PPP2R2B: variants seen among roughly 807,000 people sequenced by gnomAD.
The protein encoded by PPP2R2B is serine/threonine-protein phosphatase 2A 55 kDa regulatory subunit B beta isoform.
PPP2R2B carries 5 observed loss-of-function variants against 46.0 expected under a neutral mutation model. The ratio of observed to expected loss-of-function variants is 0.11; its 90% CI spans 0.06 to 0.23. The LOEUF (loss-of-function observed/expected upper bound fraction) is 0.23, where lower values mean the gene tolerates loss of function less well. PPP2R2B is among the 10% of genes least tolerant of loss of function. PPP2R2B has a pLI of 1.00. For synonymous variants in PPP2R2B, 215 were observed against 206.7 expected, an observed-to-expected ratio of 1.04 and a Z score of -0.34; for missense variants, 367 against 575.0, an observed-to-expected ratio of 0.64 and a Z score of 3.70.
At chr5:146,645,335 T>A (rs148258231) in intron 6 of PPP2R2B, among the ~76,000 whole-genome samples, 79 of 152,336 alleles carry the variant, frequency 5.2e-4, no homozygotes, top group African/African-American at 1.9e-3. Context: ...CAAAGAGGAC[T>A]CCAAGGGATA....
chr5:146,820,498 A>G lies in PPP2R2B; in HGVS notation c.70+57504T>C, dbSNP rs76284508. Among the ~76,000 whole-genome samples the G allele has an allele frequency of 7.2e-3, 1,100 of 152,162 alleles. 15 individuals are homozygous for G. The highest frequency in any genetic ancestry group is 0.026 in the African/African-American group (1,063 of 41,504). ...GGGGCAGAAAACACTCCTTCAGAAA[A>G]CCTCCTGTGTTCAGTGGAATTTTAA... On this transcript the variant is annotated intron_variant, in intron 2 of 9. Transcript: ENST00000394411.
chr5:146,853,015 C>T (rs76936236), intron 2 of PPP2R2B, among the ~76,000 whole-genome samples: 6,841 of 152,164 alleles, frequency 0.045, 236 homozygotes, highest in South Asian at 0.069. Flanking sequence ...GAGCAGTCGT[C>T]ACAGAGGGGC....
intron 2 of PPP2R2B, among the ~76,000 whole-genome samples, chr5:146,788,170 C>T (rs893141032): frequency 1.3e-5 from 2 of 152,048 alleles, no homozygotes; most frequent in Admixed American, 1.3e-4. Context: ...ATAGTGTCTT[C>T]TACTGAGTCT....
At chr5:146,953,205 T>C (rs1374674255) in intron 1 of PPP2R2B, among the ~76,000 whole-genome samples, 2 of 152,200 alleles carry the variant, frequency 1.3e-5, no homozygotes, top group African/African-American at 4.8e-5. Flanking sequence ...ATCTGCAACA[T>C]GGCTTCTGAT....
intron 2 of PPP2R2B, among the ~76,000 whole-genome samples, chr5:147,071,967 G>C (rs1440859191): frequency 3.3e-5 from 5 of 152,152 alleles, no homozygotes; most frequent in African/African-American, 1.2e-4. Flanking sequence ...GATTTCCCTT[G>C]AGTTGCCTTG....
chr5:146,796,457 ATTC>A (rs144925031), intron 2 of PPP2R2B, among the ~76,000 whole-genome samples: 66 of 152,286 alleles, frequency 4.3e-4, no homozygotes, highest in Non-Finnish European at 8.1e-4. Context: ...AATGGCAAAC[ATTC>A]TTCTTCTTTT....
chr5:146,970,187 T>C (rs1032947966), intron 1 of PPP2R2B, among the ~76,000 whole-genome samples: 1 of 152,134 alleles, frequency 6.6e-6, no homozygotes, highest in African/African-American at 2.4e-5. Flanking sequence ...AGAGAACAAC[T>C]ATTTCCTCAA....
intron 9 of PPP2R2B, among the ~76,000 whole-genome samples, chr5:146,592,604 G>T (rs566444488): frequency 6.6e-6 from 1 of 152,348 alleles, no homozygotes; most frequent in South Asian, 2.1e-4. Context: ...GATAATTTTT[G>T]ATCTGGAAAG....
At chr5:146,707,466 A>C (rs1779933975) in intron 2 of PPP2R2B, 2 of 754,882 alleles carry the variant, frequency 2.6e-6, no homozygotes, top group South Asian at 2.8e-5. Context: ...CCACCCCGGA[A>C]GCTGCTGCTG....
intron 1 of PPP2R2B, among the ~76,000 whole-genome samples, chr5:146,960,529 C>T (rs1752126053): frequency 1.3e-5 from 2 of 152,110 alleles, no homozygotes; most frequent in African/African-American, 4.8e-5. Context: ...AACTCGTGAT[C>T]CACCCGCCTC....
chr5:146,962,159 G>T (rs566999357), intron 1 of PPP2R2B, among the ~76,000 whole-genome samples: 138 of 146,900 alleles, frequency 9.4e-4, no homozygotes, highest in Non-Finnish European at 1.8e-3. Context: ...TTCCACACGT[G>T]TACTCTGAGC....
At chr5:146,606,221 G>A (rs1266094858) in intron 7 of PPP2R2B, among the ~76,000 whole-genome samples, 1 of 152,182 alleles carries the variant, frequency 6.6e-6, no homozygotes, top group Non-Finnish European at 1.5e-5. Context: ...ACAGGTGCAG[G>A]CTGTTGCTGG....
chr5:146,620,490 A>G (rs2151054803), intron 7 of PPP2R2B, among the ~76,000 whole-genome samples: 1 of 152,312 alleles, frequency 6.6e-6, no homozygotes, highest in East Asian at 1.9e-4. Flanking sequence ...GCATCTCGAC[A>G]GGAGCCTAAT....
chr5:146,734,385 A>G (rs1297522043), intron 2 of PPP2R2B, among the ~76,000 whole-genome samples: 1 of 152,158 alleles, frequency 6.6e-6, no homozygotes, highest in Non-Finnish European at 1.5e-5. Flanking sequence ...ACTGTGTTAA[A>G]TGCCCTGTAT....
chr5:146,635,965 CTT>C (rs747873404), intron 7 of PPP2R2B, among the ~76,000 whole-genome samples: 7 of 152,224 alleles, frequency 4.6e-5, no homozygotes, highest in Non-Finnish European at 4.4e-5. Context: ...ACTAATGTCA[CTT>C]ATAACACCCA....
At chr5:147,072,191 T>C (rs1757621633) in intron 2 of PPP2R2B, among the ~76,000 whole-genome samples, 1 of 151,772 alleles carries the variant, frequency 6.6e-6, no homozygotes, top group African/African-American at 2.4e-5. Flanking sequence ...ATCTATAATA[T>C]CTAAACTAAC....
At chr5:147,058,131 A>C (rs1052175848), upstream of PPP2R2B, among the ~76,000 whole-genome samples, 7 of 152,222 alleles carry the variant, frequency 4.6e-5, no homozygotes, top group African/African-American at 1.7e-4. Flanking sequence ...GTGCCTGCAC[A>C]AAGTAGATAG....
exon 1 of PPP2R2B, chr5:147,055,940 T>C: frequency 7.1e-7 from 1 of 1,409,776 alleles, no homozygotes; most frequent in Non-Finnish European, 9.2e-7. Flanking sequence ...CTGCCTTACA[T>C]TTCTGCATGC....
At chr5:147,006,048 T>C (rs1754422143) in intron 1 of PPP2R2B, among the ~76,000 whole-genome samples, 1 of 152,166 alleles carries the variant, frequency 6.6e-6, no homozygotes, top group Non-Finnish European at 1.5e-5. Flanking sequence ...GCAGGTTTCC[T>C]AACAGGGGGA....
Sources: gnomAD v4.1 joint callset for allele counts (sites outside exome capture counted in the v4.1 genomes callset) on GRCh38, gnomAD v4.1.1 for gene constraint, MANE v1.5 for transcripts, NCBI Gene and HGNC (gene_info 2026-07-23, HGNC 2026-07-21) for gene names.